The following TTC39B variants were observed in gnomAD, a reference collection of about 807,000 sequenced individuals.
The protein encoded by TTC39B is tetratricopeptide repeat protein 39B.
TTC39B carries 92 observed loss-of-function variants against 96.6 expected under a neutral mutation model. The ratio of observed to expected loss-of-function variants is 0.95; its 90% CI spans 0.80 to 1.13. The LOEUF is 1.13. Among genes scored for constraint, TTC39B ranks in the 50% most tolerant of loss-of-function variants. The pLI, the probability that TTC39B is intolerant of heterozygous loss-of-function variation, is 0.00. For synonymous variants in TTC39B, 367 were observed against 299.4 expected, an observed-to-expected ratio of 1.23 and a Z score of -2.33; for missense variants, 955 against 809.3, an observed-to-expected ratio of 1.18 and a Z score of -2.18.
chr9:15,227,882 T>C (rs903227682), intron 2 of TTC39B, among the ~76,000 whole-genome samples: 2 of 152,188 alleles, frequency 1.3e-5, no homozygotes, highest in African/African-American at 4.8e-5. Flanking sequence ...TTCTTTAACA[T>C]TCCTGATTTT....
chr9:15,285,856 A>G (rs1235948394), intron 1 of TTC39B, among the ~76,000 whole-genome samples: 1 of 151,472 alleles, frequency 6.6e-6, no homozygotes, highest in Non-Finnish European at 1.5e-5. Flanking sequence ...TTCCGTCTCA[A>G]AAAAAAAAGA....
At chr9:15,187,544 C>G (rs556364380) in intron 14 of TTC39B, among the ~76,000 whole-genome samples, 5 of 152,156 alleles carry the variant, frequency 3.3e-5, no homozygotes, top group Non-Finnish European at 5.9e-5. Context: ...ACTGTAGCCT[C>G]GAACTCTTGG....
intron 1 of TTC39B, among the ~76,000 whole-genome samples, chr9:15,300,893 A>G (rs1366110039): frequency 8.2e-5 from 5 of 61,280 alleles, no homozygotes. Context: ...CTCCGTCTCA[A>G]AAAAAAAAAA....
intron 1 of TTC39B, among the ~76,000 whole-genome samples, chr9:15,285,582 C>G (rs573380857): frequency 3.9e-5 from 6 of 152,094 alleles, no homozygotes; most frequent in African/African-American, 1.2e-4. Context: ...AGGCCGGGAG[C>G]GGTGGCTCAC....
chr9:15,217,150 G>A lies in TTC39B; in HGVS notation c.372-2901C>T, dbSNP rs116585507. 5.3e-3 allele frequency among the ~76,000 whole-genome samples: 807 copies of A among 152,320 alleles called. 8 individuals are homozygous for A. The highest frequency in any genetic ancestry group is 0.019 in the African/African-American group (787 of 41,558). ...AAACAGGCAAAAGCCAGAAACCATAGTGGCAGAGAGGATGTATTTTATTCT... is the reference window on the plus strand; with the variant it reads ...AAACAGGCAAAAGCCAGAAACCATAATGGCAGAGAGGATGTATTTTATTCT... On this transcript the variant is annotated intron_variant, in intron 3 of 19. Transcript: ENST00000512701.
intron 2 of TTC39B, among the ~76,000 whole-genome samples, chr9:15,228,103 A>C (rs943168590): frequency 6.6e-6 from 1 of 152,122 alleles, no homozygotes; most frequent in Admixed American, 6.5e-5. Context: ...TTGACATGCC[A>C]TATATAACAC....
chr9:15,261,969 T>C (rs1822963152), intron 2 of TTC39B, among the ~76,000 whole-genome samples: 2 of 152,210 alleles, frequency 1.3e-5, no homozygotes, highest in African/African-American at 4.8e-5. Context: ...ATAGCTAATC[T>C]AGAACTGCAT....
At chr9:15,225,570 T>C (rs2131402875) in intron 3 of TTC39B, among the ~76,000 whole-genome samples, 1 of 152,316 alleles carries the variant, frequency 6.6e-6, no homozygotes, top group East Asian at 1.9e-4. Flanking sequence ...TATGGTTGTT[T>C]CTCCTTTCCT....
intron 3 of TTC39B, among the ~76,000 whole-genome samples, chr9:15,215,731 T>G (rs1001099922): frequency 3.3e-5 from 5 of 150,010 alleles, no homozygotes; most frequent in Admixed American, 2.0e-4. Context: ...GGTGTGGTGG[T>G]GCATTCTTTA....
chr9:15,177,818 A>G lies in TTC39B; in HGVS notation c.1724-4T>C. 2 of 1,539,436 alleles carry G rather than the reference A, an allele frequency of 1.3e-6. No individual in the cohort carries two copies. The highest frequency in any genetic ancestry group is 1.8e-6 in the Non-Finnish European group (2 of 1,129,458). On this transcript the variant is annotated splice_polypyrimidine_tract_variant and splice_region_variant and intron_variant, in intron 17 of 19. Transcript: ENST00000512701. ...TCCACAGAGAAGCTGTTAAAATCTT[A>G]AAACAAAAAACATACAAAGAAAACA...
At chr9:15,244,594 A>T (rs540005151) in intron 2 of TTC39B, among the ~76,000 whole-genome samples, 1 of 152,258 alleles carries the variant, frequency 6.6e-6, no homozygotes, top group South Asian at 2.1e-4. Flanking sequence ...GGAGTTATAG[A>T]GGAGTATAGT....
intron 2 of TTC39B, among the ~76,000 whole-genome samples, chr9:15,252,571 C>T (rs749665163): frequency 2.6e-5 from 4 of 152,064 alleles, no homozygotes; most frequent in Non-Finnish European, 5.9e-5. Context: ...TGGCTTGAAC[C>T]TGGGAGGCAC....
chr9:15,203,718 C>G, intron 7 of TTC39B, 105 bp downstream of exon 7: 1 of 901,998 alleles, frequency 1.1e-6, no homozygotes, highest in South Asian at 2.0e-5. Flanking sequence ...CATTACAACT[C>G]TAAGTCAAAA....
chr9:15,296,227 T>C (rs1824370480), intron 1 of TTC39B, among the ~76,000 whole-genome samples: 1 of 152,220 alleles, frequency 6.6e-6, no homozygotes. Context: ...TCTCAGAACT[T>C]AGTCCGAAGG....
intron 1 of TTC39B, among the ~76,000 whole-genome samples, chr9:15,290,739 C>T (rs955486106): frequency 2.6e-5 from 4 of 152,200 alleles, no homozygotes; most frequent in African/African-American, 9.7e-5. Flanking sequence ...AATGTGACCC[C>T]TTACCTCACT....
chr9:15,294,795 T>A (rs1233663394), intron 1 of TTC39B, among the ~76,000 whole-genome samples: 2 of 152,234 alleles, frequency 1.3e-5, no homozygotes, highest in Admixed American at 6.5e-5. Context: ...ACAATGCCTG[T>A]GAGCAGCCAC....
chr9:15,303,518 G>A (rs150398474), intron 1 of TTC39B, among the ~76,000 whole-genome samples: 1 of 151,756 alleles, frequency 6.6e-6, no homozygotes, highest in Non-Finnish European at 1.5e-5. Flanking sequence ...ACTACAGGCG[G>A]GCACCACCAT....
chr9:15,164,472 A>C (rs1021491863), exon 20 of TTC39B: 1 of 152,248 alleles, frequency 6.6e-6, no homozygotes, highest in African/African-American at 2.4e-5. Flanking sequence ...TGGGCAGACC[A>C]CAAGACAGGT....
At chr9:15,231,170 C>T (rs1162362744) in intron 2 of TTC39B, among the ~76,000 whole-genome samples, 10 of 151,916 alleles carry the variant, frequency 6.6e-5, no homozygotes, top group Middle Eastern at 3.4e-3. Flanking sequence ...GTGATTTTTC[C>T]GATTTTTTTA....
Sources: allele counts gnomAD v4.1 joint callset (sites outside exome capture counted in the v4.1 genomes callset), GRCh38; gene constraint gnomAD v4.1.1; transcripts MANE v1.5; gene names NCBI Gene and HGNC (gene_info 2026-07-23, HGNC 2026-07-21).